The following PHF8 variants were observed in gnomAD, a reference collection of about 807,000 sequenced individuals.
PHF8 encodes the protein PHD finger protein 8, also known as histone lysine demethylase PHF8.
In PHF8, 9 loss-of-function variants were observed where a neutral mutation model predicts 74.4. That is an observed-to-expected ratio of 0.12 (90% CI 0.07 to 0.21). The LOEUF (loss-of-function observed/expected upper bound fraction) is 0.21, where lower values mean the gene tolerates loss of function less well. PHF8 is among the 10% of genes least tolerant of loss of function. PHF8 has a pLI of 1.00. For missense variants in PHF8, 478 were observed against 816.6 expected, an observed-to-expected ratio of 0.59 and a Z score of 5.05; for synonymous variants, 311 against 316.6, an observed-to-expected ratio of 0.98 and a Z score of 0.19.
chrX:54,026,322 C>G (rs888255022), intron 2 of PHF8, among the ~76,000 whole-genome samples: 3 of 99,014 alleles, frequency 3.0e-5, no homozygotes, highest in African/African-American at 7.7e-5. Flanking sequence ...CCACTGCACT[C>G]TAGCCTGGGC....
At chrX:54,000,693 C>T (rs2065813959) in intron 10 of PHF8, among the ~76,000 whole-genome samples, 1 of 112,504 alleles carries the variant, frequency 8.9e-6, no homozygotes, top group South Asian at 3.6e-4. Flanking sequence ...AAGTAAGGGA[C>T]CCATTCTATT....
chrX:54,003,264 G>C (rs973116619), intron 8 of PHF8, among the ~76,000 whole-genome samples: 1 of 111,775 alleles, frequency 8.9e-6, no homozygotes, highest in Non-Finnish European at 1.9e-5. Flanking sequence ...GTCCTTAATA[G>C]TTTTTAAGAG....
rs1184382880 is a variant in PHF8, at chrX:53,994,608, C to G, written c.1324-705G>C. On this transcript the variant is annotated intron_variant, in intron 12 of 21. Transcript: ENST00000338154. ...TCTCTAAGTCCTCTTCCAACCAGCC[C>G]AAAGTTTTGTGGTTTAAGTGAGAGG... Among the ~76,000 whole-genome samples, 7 of 112,689 alleles carry G rather than the reference C, an allele frequency of 6.2e-5. 1 individual carries two copies. The East Asian group carries it at 1.9e-3, about 31-fold the overall frequency.
At chrX:53,990,201 A>C (rs2065636536) in intron 14 of PHF8, among the ~76,000 whole-genome samples, 1 of 111,840 alleles carries the variant, frequency 8.9e-6, no homozygotes, top group South Asian at 3.8e-4. Context: ...ACAAAAATAT[A>C]AAAGTAGAAT....
At chrX:54,016,791 C>T (rs2066078067) in intron 5 of PHF8, 55 bp from the exon 6 acceptor site, 1 of 967,798 alleles carries the variant, frequency 1.0e-6, no homozygotes, top group Non-Finnish European at 1.5e-6. Context: ...GTGGAAGACT[C>T]TCTTGTCCCC....
intron 2 of PHF8, 103 bp downstream of exon 2, chrX:54,042,528 G>A: frequency 2.9e-6 from 2 of 684,529 alleles, no homozygotes; most frequent in Non-Finnish European, 2.3e-6. Context: ...TCTGGGAGAG[G>A]GGGTCCTGAG....
intron 18 of PHF8, among the ~76,000 whole-genome samples, chrX:53,972,121 A>C (rs1972272456): frequency 9.1e-6 from 1 of 109,920 alleles, no homozygotes; most frequent in Non-Finnish European, 1.9e-5. Context: ...TCAAGAGATC[A>C]AGACCATCCT....
upstream of PHF8, among the ~76,000 whole-genome samples, chrX:54,046,242 A>T (rs1164338167): frequency 4.5e-5 from 5 of 111,090 alleles, no homozygotes; most frequent in Admixed American, 3.9e-4. Context: ...TCCAGGTTTA[A>T]TGGGACCTGA....
intron 18 of PHF8, among the ~76,000 whole-genome samples, chrX:53,966,764 T>C (rs1443434372): frequency 2.9e-5 from 3 of 102,315 alleles, no homozygotes; most frequent in East Asian, 6.6e-4. Context: ...TCTGCCCGGC[T>C]GCCATCCCAT....
Position 54,009,377 on chromosome X carries a change from A to T in PHF8, c.946+1745T>A, listed in dbSNP as rs868924203. On this transcript the variant is annotated intron_variant, in intron 8 of 21. Coordinates refer to ENST00000338154, the MANE Select transcript of PHF8 (RefSeq NM_015107.3). Reference sequence around the variant, plus strand: ...TGTCAATATTTGTGTGACACACCTAAATCAATGCTGAGAGGGAAATTTAGG... The same window carrying T: ...TGTCAATATTTGTGTGACACACCTATATCAATGCTGAGAGGGAAATTTAGG... Among the ~76,000 whole-genome samples, 3 of 110,776 alleles carry T rather than the reference A, an allele frequency of 2.7e-5. No homozygotes were observed. The Middle Eastern group carries it at 0.014, about 510-fold the overall frequency.
In PHF8 at chrX:53,937,737, A is replaced by C; in HGVS notation, c.*1421T>G. On this transcript the variant is annotated 3_prime_UTR_variant, in exon 22 of 22. Coordinates refer to ENST00000338154, the MANE Select transcript of PHF8 (RefSeq NM_015107.3). ...ACAAATTCCCTGTGGCCTGCATGGT[A>C]GCTATTAAATTCCCCAGAAGCATTG... The C allele has an allele frequency of 2.8e-6, 1 of 355,742 alleles. No homozygotes were observed. Among genetic ancestry groups the C allele is most frequent in the Non-Finnish European group, 4.9e-6 (1 of 203,228 alleles). The allele number at this position is 355,742 out of a possible 1,213,427, so 29.3% of individuals were successfully genotyped here. A position where few individuals can be genotyped will look rare whatever the true frequency, so the allele number is the denominator to read the frequency against.
chrX:53,938,040 C>T lies in PHF8; in HGVS notation c.*1118G>A. On this transcript the variant is annotated 3_prime_UTR_variant, in exon 22 of 22. Coordinates refer to ENST00000338154, the MANE Select transcript of PHF8 (RefSeq NM_015107.3). ...TCGTGAATGGCCTGTCTGCATTCTG[C>T]TTGAACGATGACCTGTCGTCTGGAA... The T allele has an allele frequency of 8.6e-7, 1 of 1,165,374 alleles. No individual in the cohort carries two copies. Among genetic ancestry groups the T allele is most frequent in the East Asian group, 3.3e-5 (1 of 30,673 alleles).
chrX:53,956,958 T>C (rs1156874268), intron 19 of PHF8, among the ~76,000 whole-genome samples: 3 of 111,144 alleles, frequency 2.7e-5, no homozygotes, highest in African/African-American at 9.8e-5. Context: ...CTCACACCTG[T>C]AATCCCAACA....
chrX:54,001,593 G>A (rs2065828844), intron 10 of PHF8, among the ~76,000 whole-genome samples: 1 of 111,727 alleles, frequency 9.0e-6, no homozygotes, highest in South Asian at 3.7e-4. Context: ...TACAAGGGAG[G>A]AGAGTGGGTG....
intron 2 of PHF8, among the ~76,000 whole-genome samples, chrX:54,030,342 G>C (rs192001776): frequency 1.6e-4 from 18 of 111,708 alleles, no homozygotes; most frequent in Admixed American, 2.9e-4. Flanking sequence ...GGGACCAAGG[G>C]TGGTAAATGC....
In PHF8 at chrX:53,985,758, C is replaced by T. The variant is rs782361709; in HGVS notation, c.2129+58G>A. On this transcript the variant is annotated intron_variant, in intron 17 of 21. Transcript: ENST00000338154. ...TGATTGGCTGACCTGGCACCTTGGG[C>T]GGGAGCGGGGGTTGCTGTCTGATAG... 13 of 1,207,533 alleles carry T rather than the reference C, an allele frequency of 1.1e-5. No individual in the cohort carries two copies. The African/African-American group carries it at 1.6e-4, about 15-fold the overall frequency.
chrX:53,948,566 TA>T (rs1333147768), intron 19 of PHF8, among the ~76,000 whole-genome samples: 1 of 110,998 alleles, frequency 9.0e-6, no homozygotes, highest in Non-Finnish European at 1.9e-5. Flanking sequence ...AACCATCGGG[TA>T]AAATATGTTA....
upstream of PHF8, among the ~76,000 whole-genome samples, chrX:54,046,852 T>C (rs914515531): frequency 8.1e-5 from 9 of 110,967 alleles, no homozygotes; most frequent in Non-Finnish European, 1.7e-4. Context: ...AAAAATAAAA[T>C]GAATTTTTAA....
intron 19 of PHF8, among the ~76,000 whole-genome samples, chrX:53,949,234 C>T (rs1397985245): frequency 9.1e-6 from 1 of 109,947 alleles, no homozygotes; most frequent in East Asian, 2.8e-4. Context: ...ACTTGGGAAG[C>T]TTAGGCAGGA....
Sources: gnomAD v4.1 joint callset for allele counts (sites outside exome capture counted in the v4.1 genomes callset) on GRCh38, gnomAD v4.1.1 for gene constraint, MANE v1.5 for transcripts, NCBI Gene and HGNC (gene_info 2026-07-23, HGNC 2026-07-21) for gene names.